Variants in RFX4 observed in about 807,000 individuals in gnomAD.
The protein encoded by RFX4 is transcription factor RFX4.
A neutral mutation model predicts 95.0 loss-of-function variants in RFX4; 10 were observed. That is an observed-to-expected ratio of 0.11 (90% confidence interval 0.06 to 0.18). RFX4 has a LOEUF of 0.18. RFX4 is among the 10% of genes least tolerant of loss of function. The probability of loss-of-function intolerance (pLI) is 1.00; values close to 1 mark genes in which losing one functional copy is unlikely to be tolerated. For synonymous variants in RFX4, 321 were observed against 340.7 expected, an observed-to-expected ratio of 0.94 and a Z score of 0.64; for missense variants, 640 against 922.0, an observed-to-expected ratio of 0.69 and a Z score of 3.96.
chr12:106,675,256 C>T (rs1002438839), intron 4 of RFX4, among the ~76,000 whole-genome samples: 13 of 152,104 alleles, frequency 8.5e-5, no homozygotes, highest in Non-Finnish European at 1.8e-4. Flanking sequence ...CATGGCAAAA[C>T]CCCATCTCTA....
At chr12:106,708,299 A>G (rs151119043) in intron 8 of RFX4, among the ~76,000 whole-genome samples, 1 of 152,008 alleles carries the variant, frequency 6.6e-6, no homozygotes, top group African/African-American at 2.4e-5. Context: ...CCAGACAGGT[A>G]GCTGAGTGCT....
At chr12:106,592,810 T>C (rs1391617786) in intron 1 of RFX4, among the ~76,000 whole-genome samples, 1 of 152,208 alleles carries the variant, frequency 6.6e-6, no homozygotes, top group Non-Finnish European at 1.5e-5. Context: ...TATATATATT[T>C]TTAACGTGAG....
intron 5 of RFX4, chr12:106,684,756 G>A (rs2041604646): frequency 6.5e-7 from 1 of 1,534,488 alleles, no homozygotes; most frequent in Non-Finnish European, 8.8e-7. Context: ...AGACACGGAA[G>A]GCACAGAAGG....
rs184848340 is a variant in RFX4, at chr12:106,583,574, G to A, written c.43+211G>A. On this transcript the variant is annotated intron_variant, in intron 1 of 17. Transcript: ENST00000392842. ...TGTGTATAAGCGTGTGATTGTGTAC[G>A]TGTGTGAGTGTGTGTGCGTGCGCGC... is the stretch of plus-strand genomic sequence containing the variant. 4 of 407,018 alleles carry A rather than the reference G, an allele frequency of 9.8e-6. No individual in the cohort carries two copies. In the East Asian group the frequency reaches 1.1e-4, roughly 11 times the overall value. 25.2% of individuals were successfully genotyped at this position (407,018 alleles called of 1,614,324 possible).
At chr12:106,601,456 A>T in intron 1 of RFX4, 1 of 1,157,818 alleles carries the variant, frequency 8.6e-7, no homozygotes, top group Non-Finnish European at 1.2e-6. Context: ...CAACTCTTTT[A>T]TGTAGCGTTT....
At chr12:106,613,038 G>A (rs1435548971) in intron 2 of RFX4, among the ~76,000 whole-genome samples, 1 of 151,788 alleles carries the variant, frequency 6.6e-6, no homozygotes, top group Non-Finnish European at 1.5e-5. Flanking sequence ...TTTCACCATC[G>A]TTAGCTGTTG....
intron 1 of RFX4, among the ~76,000 whole-genome samples, chr12:106,595,557 C>T (rs2039606498): frequency 6.6e-6 from 1 of 152,192 alleles, no homozygotes; most frequent in Non-Finnish European, 1.5e-5. Flanking sequence ...AAATCATTCT[C>T]AGAGCTTCTA....
At chr12:106,737,993 T>C (rs549345532) in intron 15 of RFX4, among the ~76,000 whole-genome samples, 1 of 152,238 alleles carries the variant, frequency 6.6e-6, no homozygotes, top group Non-Finnish European at 1.5e-5. Flanking sequence ...GTACGTGTAG[T>C]GAAAAGAATG....
At chr12:106,613,859 AT>A (rs1365536056) in intron 2 of RFX4, among the ~76,000 whole-genome samples, 1 of 152,146 alleles carries the variant, frequency 6.6e-6, no homozygotes, top group East Asian at 1.9e-4. Context: ...ATGAGCACTT[AT>A]TTTGTTGGTA....
chr12:106,601,456 A>C (rs1592837138), intron 1 of RFX4: 1 of 1,157,816 alleles, frequency 8.6e-7, no homozygotes, highest in Non-Finnish European at 1.2e-6. Context: ...CAACTCTTTT[A>C]TGTAGCGTTT....
At position 106,687,051 on chromosome 12, in the gene RFX4, C is replaced by T. The variant is rs747418463; in HGVS notation, c.545C>T (p.Pro182Leu). The T allele has an allele frequency of 1.9e-6, 3 of 1,613,856 alleles. No homozygotes were observed. Among genetic ancestry groups the T allele is most frequent in the Non-Finnish European group, 2.5e-6 (3 of 1,179,988 alleles). The change falls in exon 6 of 18, where the codon CCC (proline) becomes CTC (leucine). Residue 182 changes from proline (P) to leucine (L), a missense_variant. Around this residue, in one of 7 missense-constraint regions of RFX4, gnomAD observed 89 missense variants for 173.8 expected, o/e 0.51. Coordinates refer to ENST00000392842, the MANE Select transcript of RFX4 (RefSeq NM_213594.3). ...SKLGTLLPEF[P>L]NVKDLNLPAS... is the part of the protein sequence containing the mutation. ...CTCGGAACACTGCTGCCAGAATTTCCCAATGTCAAAGATCTAAATCTGCCA... is the reference window on the plus strand; with the variant it reads ...CTCGGAACACTGCTGCCAGAATTTCTCAATGTCAAAGATCTAAATCTGCCA...
chr12:106,720,087 G>T lies in RFX4; in HGVS notation c.1233+33G>T. ...AACCGGCACCTAGCGGGCAGCCTTG[G>T]GCCCTGCAGCCCACCACTGCCCTCT... On this transcript the variant is annotated intron_variant, in intron 12 of 17. Coordinates refer to ENST00000392842, the MANE Select transcript of RFX4 (RefSeq NM_213594.3). The surrounding 1 kb of genome is among the most constrained non-coding windows in gnomAD (Gnocchi z 4.2). 6.4e-7 allele frequency: 1 copy of T among 1,571,236 alleles called. No individual in the cohort carries two copies. Among genetic ancestry groups the T allele is most frequent in the East Asian group, 2.2e-5 (1 of 44,668 alleles).
chr12:106,696,172 G>A, intron 7 of RFX4, 111 bp from the exon 8 acceptor site: 3 of 1,270,168 alleles, frequency 2.4e-6, no homozygotes, highest in Admixed American at 2.1e-5. Context: ...TGCTGCCGCA[G>A]GGGAAGTAGA....
chr12:106,644,113 T>G (rs2040691830), intron 3 of RFX4, among the ~76,000 whole-genome samples: 1 of 152,224 alleles, frequency 6.6e-6, no homozygotes, highest in African/African-American at 2.4e-5. Flanking sequence ...ACTACTTGCT[T>G]TCTTCCTTAG....
Position 106,608,783 on chromosome 12 carries a change from T to TC in RFX4, c.44-14_44-13insC. On this transcript the variant is annotated splice_polypyrimidine_tract_variant and intron_variant, in intron 1 of 17. Coordinates refer to ENST00000392842, the MANE Select transcript of RFX4 (RefSeq NM_213594.3). The stretch of plus-strand genomic sequence containing the variant: ...TTTTTCTTTTCTTTCTTTCTTTCTT[T>TC]TTTTTTTTTTTAGAGAGCTGGATTG... The TC allele has an allele frequency of 7.1e-7, 1 of 1,418,192 alleles. No individual in the cohort carries two copies. Among genetic ancestry groups the TC allele is most frequent in the East Asian group, 2.4e-5 (1 of 41,134 alleles). The allele number at this position is 1,418,192 out of a possible 1,614,324, so 87.9% of individuals were successfully genotyped here.
chr12:106,638,796 A>C (rs1000489190), intron 2 of RFX4, among the ~76,000 whole-genome samples: 4 of 152,022 alleles, frequency 2.6e-5, no homozygotes, highest in African/African-American at 9.7e-5. Flanking sequence ...CTCAGAGGGG[A>C]GAAAGTGGTA....
rs113907899 is a variant in RFX4 at position 106,720,528 on chromosome 12, G to T, written c.1234-231G>T. Among the ~76,000 whole-genome samples the T allele has an allele frequency of 0.011, 1,612 of 152,096 alleles. 19 individuals are homozygous for T. Among genetic ancestry groups the T allele is most frequent in the African/African-American group, 0.037 (1,516 of 41,476 alleles). On this transcript the variant is annotated intron_variant, in intron 12 of 17. Coordinates refer to ENST00000392842, the MANE Select transcript of RFX4 (RefSeq NM_213594.3). This position sits in a 1 kb window ranked among gnomAD's most constrained non-coding sequence, Gnocchi z 4.2. ...CTCCTGAGTAGCTGGGACTACAGGG[G>T]TGTGCCACCATTCCCAGCTAATTTT...
chr12:106,603,039 T>C (rs1337656742), intron 1 of RFX4, among the ~76,000 whole-genome samples: 1 of 152,266 alleles, frequency 6.6e-6, no homozygotes, highest in East Asian at 1.9e-4. Context: ...TCCTGTTGAA[T>C]AGCTTTTGTT....
At chr12:106,627,149 T>C (rs2040318596) in intron 2 of RFX4, among the ~76,000 whole-genome samples, 1 of 152,182 alleles carries the variant, frequency 6.6e-6, no homozygotes, top group African/African-American at 2.4e-5. Context: ...AGAGGATATC[T>C]ATAGCAAATG....
Sources: gnomAD v4.1 joint callset for allele counts (sites outside exome capture counted in the v4.1 genomes callset) on GRCh38, gnomAD v4.1.1 for gene constraint, gnomAD v4.1.1 regional missense constraint, Gnocchi (gnomAD v3.1) non-coding constraint, MANE v1.5 for transcripts, NCBI Gene and HGNC (gene_info 2026-07-23, HGNC 2026-07-21) for gene names.